SYNE2: variants seen among roughly 807,000 people sequenced by gnomAD.
SYNE2 encodes the protein spectrin repeat containing nuclear envelope protein 2, also known as nesprin-2.
SYNE2 carries 431 observed loss-of-function variants against 856.3 expected under a neutral mutation model. The observed-to-expected ratio is 0.50, with a 90% CI of 0.47 to 0.55. SYNE2 has a LOEUF of 0.55. Ranked by LOEUF, SYNE2 falls within the 20% of genes least tolerant of loss-of-function variation. The pLI is 0.00. For missense variants in SYNE2, 8,129 were observed against 8,023.2 expected (o/e 1.01, Z -0.50); for synonymous variants, 2,923 against 2,872.3 (o/e 1.02, Z -0.56).
chr14:64,186,345 A>G, intron 96 of SYNE2, 79 bp from the exon 97 acceptor site: 2 of 1,568,610 alleles, frequency 1.3e-6, no homozygotes, highest in Non-Finnish European at 1.8e-6. Flanking sequence ...GAGTCTAATC[A>G]AAGGATTAGC....
chr14:64,194,596 G>T (rs1280598294), intron 99 of SYNE2, among the ~76,000 whole-genome samples: 1 of 152,138 alleles, frequency 6.6e-6, no homozygotes, highest in Non-Finnish European at 1.5e-5. Flanking sequence ...TGAGCCACCT[G>T]CACCCAGCCT....
chr14:63,939,161 G>A (rs2095869516), intron 2 of SYNE2, among the ~76,000 whole-genome samples: 1 of 152,110 alleles, frequency 6.6e-6, no homozygotes, highest in Admixed American at 6.5e-5. Context: ...GGAGATGGAA[G>A]CTCAGTTGTT....
chr14:64,017,260 C>T (rs1011239091), intron 33 of SYNE2, among the ~76,000 whole-genome samples: 12 of 128,572 alleles, frequency 9.3e-5, no homozygotes, highest in Admixed American at 2.9e-4. Flanking sequence ...ACTCGGGAGG[C>T]GGAGCTTGCA....
chr14:64,152,752 C>G (rs759164687), intron 85 of SYNE2, 36 bp downstream of exon 85: 1 of 1,612,636 alleles, frequency 6.2e-7, no homozygotes. Context: ...TATTTCTCTT[C>G]ACATATTCTT....
rs2097240249 is a variant in SYNE2, at chr14:64,053,134, A to G, written c.9221A>G (p.Asp3074Gly). Residue 3074 changes from aspartate (D) to glycine (G), a missense_variant, in exon 48 of 116, where the codon GAT becomes GGT. Physicochemically the swap from Asp to Gly is moderately conservative, Grantham distance 94. Transcript: ENST00000555002. ...ACTGAAGTAGTACTAAAAGCTCCTG[A>G]TAGCTCTCCGGAAAGCAGACGGCTC... ...KMTEVVLKAP[D>G]SSPESRRLNA... is the part of the protein sequence containing the mutation. 6.2e-7 allele frequency: 1 copy of G among 1,614,056 alleles called. No homozygotes were observed. The highest frequency in any genetic ancestry group is 1.7e-5 in the Admixed American group (1 of 60,012).
intron 48 of SYNE2, among the ~76,000 whole-genome samples, chr14:64,054,856 T>C (rs1285572928): frequency 6.6e-6 from 1 of 152,220 alleles, no homozygotes; most frequent in Admixed American, 6.5e-5. Context: ...TTCAAAGAGT[T>C]ATTATGAGAT....
chr14:64,045,384 G>C (rs1357812639), intron 45 of SYNE2, among the ~76,000 whole-genome samples: 1 of 149,574 alleles, frequency 6.7e-6, no homozygotes, highest in Non-Finnish European at 1.5e-5. Context: ...CAGATAAAGT[G>C]TTCCTCAGGT....
intron 1 of SYNE2, among the ~76,000 whole-genome samples, chr14:63,898,549 C>T (rs1303426144): frequency 2.6e-5 from 4 of 152,076 alleles, no homozygotes; most frequent in East Asian, 1.9e-4. Flanking sequence ...GGACTACAGG[C>T]GCATGCCACC....
intron 84 of SYNE2, among the ~76,000 whole-genome samples, chr14:64,149,517 C>G (rs1433580379): frequency 6.6e-6 from 1 of 151,972 alleles, no homozygotes; most frequent in African/African-American, 2.4e-5. Flanking sequence ...TGGAAAAAGG[C>G]CACGTTTGAC....
chr14:64,131,145 A>G, intron 76 of SYNE2, among the ~76,000 whole-genome samples: 1 of 152,176 alleles, frequency 6.6e-6, no homozygotes, highest in Non-Finnish European at 1.5e-5. Flanking sequence ...ATTGAAAGGT[A>G]AATATTGTAT....
chr14:64,169,695 A>G (rs2098401229), intron 93 of SYNE2, among the ~76,000 whole-genome samples: 1 of 152,240 alleles, frequency 6.6e-6, no homozygotes, highest in Non-Finnish European at 1.5e-5. Flanking sequence ...CAGTTCCAGG[A>G]TGATAAGCTA....
At chr14:64,218,270 C>T (rs374922809) in intron 108 of SYNE2, 128 bp from the exon 109 acceptor site, 1 of 848,020 alleles carries the variant, frequency 1.2e-6, no homozygotes, top group Non-Finnish European at 1.9e-6. Flanking sequence ...CACTGTATTC[C>T]TAGCAAGATA....
chr14:63,974,300 G>A (rs2096509778), intron 11 of SYNE2, among the ~76,000 whole-genome samples: 1 of 152,170 alleles, frequency 6.6e-6, no homozygotes, highest in African/African-American at 2.4e-5. Flanking sequence ...ACCAGCATCT[G>A]CTTCTGGTGA....
rs2098368861 is a variant in SYNE2, at chr14:64,165,416, G to A, written c.16605+6G>A. 1.2e-6 allele frequency: 2 copies of A among 1,612,976 alleles called. No homozygotes were observed. Among genetic ancestry groups the A allele is most frequent in the Non-Finnish European group, 1.7e-6 (2 of 1,179,696 alleles). ...AAAATCCTGACTCATTCCTGGTATT[G>A]CCAATATTTGTCTTTTCTAAGGGCT... On this transcript the variant is annotated splice_donor_region_variant and intron_variant, in intron 90 of 115. Transcript: ENST00000555002.
chr14:63,768,512 A>T (rs1335605088), intron 1 of SYNE2, among the ~76,000 whole-genome samples: 1 of 152,244 alleles, frequency 6.6e-6, no homozygotes, highest in African/African-American at 2.4e-5. Context: ...AGTGCATAGC[A>T]TAGAGCCTCA....
At chr14:63,787,758 C>T (rs911344383) in intron 1 of SYNE2, among the ~76,000 whole-genome samples, 3 of 152,200 alleles carry the variant, frequency 2.0e-5, no homozygotes, top group Admixed American at 1.3e-4. Flanking sequence ...GGTCCATAGG[C>T]AGCCATGGGC....
Position 64,159,457 on chromosome 14 carries a change from A to G in SYNE2, c.16094+15A>G. 6.2e-7 allele frequency: 1 copy of G among 1,612,458 alleles called. No homozygotes were observed. The highest frequency in any genetic ancestry group is 8.5e-7 in the Non-Finnish European group (1 of 1,179,106). ...ACTCATAAAAGGTATGCTTTCAGAT[A>G]TAATTTGAATGATAGATATCTTTAT... On this transcript the variant is annotated intron_variant, in intron 87 of 115. Coordinates refer to ENST00000555002, the MANE Select transcript of SYNE2 (RefSeq NM_182914.3).
intron 61 of SYNE2, among the ~76,000 whole-genome samples, chr14:64,093,972 T>A (rs111485153): frequency 0.012 from 1,808 of 152,310 alleles, 31 homozygotes; most frequent in African/African-American, 0.038. Context: ...TGAATACTAT[T>A]GTAATGAAGA....
chr14:64,045,436 G>C (rs1157217599), intron 45 of SYNE2, among the ~76,000 whole-genome samples: 1 of 147,234 alleles, frequency 6.8e-6, no homozygotes, highest in East Asian at 2.0e-4. Context: ...TGGGCTGGGG[G>C]TGTATTTCGG....
Sources: allele counts gnomAD v4.1 joint callset (sites outside exome capture counted in the v4.1 genomes callset), GRCh38; gene constraint gnomAD v4.1.1; transcripts MANE v1.5; gene names NCBI Gene and HGNC (gene_info 2026-07-23, HGNC 2026-07-21).